The following SLX9 variants were observed in gnomAD, a reference collection of about 807,000 sequenced individuals.
The protein encoded by SLX9 is ribosome biogenesis protein SLX9 homolog.
SLX9 carries 19 observed loss-of-function variants against 20.8 expected under a neutral mutation model. The observed-to-expected ratio is 0.91, with a 90% CI of 0.64 to 1.34. SLX9 has a LOEUF of 1.34. SLX9 is among the 40% of genes most tolerant of loss of function. The probability of loss-of-function intolerance (pLI) is 0.00; values close to 1 mark genes in which losing one functional copy is unlikely to be tolerated. For synonymous variants in SLX9, 113 were observed against 137.1 expected, an observed-to-expected ratio of 0.82 and a Z score of 1.23; for missense variants, 299 against 322.2, an observed-to-expected ratio of 0.93 and a Z score of 0.55.
In SLX9 at chr21:44,976,884, T is replaced by C; in HGVS notation, c.*81T>C. 2 of 1,513,228 alleles carry C rather than the reference T, an allele frequency of 1.3e-6. No individual in the cohort carries two copies. Among genetic ancestry groups the C allele is most frequent in the Non-Finnish European group, 1.8e-6 (2 of 1,131,794 alleles). 93.7% of individuals were successfully genotyped at this position (1,513,228 alleles called of 1,614,324 possible). A position where few individuals can be genotyped will look rare whatever the true frequency, so the allele number is the denominator to read the frequency against. ...CGCCGGCCCCTCAAGGACCATGGCC[T>C]GAGCCTGGTGGACGCCCTTCCCTCT... is the stretch of plus-strand genomic sequence containing the variant. On this transcript the variant is annotated 3_prime_UTR_variant, in exon 6 of 6. Coordinates refer to ENST00000291634, the MANE Select transcript of SLX9 (RefSeq NM_058190.4).
intron 3 of SLX9, among the ~76,000 whole-genome samples, chr21:44,965,499 C>A (rs1314748325): frequency 6.6e-6 from 1 of 152,184 alleles, no homozygotes; most frequent in Admixed American, 6.5e-5. Flanking sequence ...TCTAGCAGCT[C>A]ATCTGTCAAG....
chr21:44,966,834 G>A (rs1036151962), intron 3 of SLX9, among the ~76,000 whole-genome samples, 200 bp from the exon 4 acceptor site: 2 of 152,234 alleles, frequency 1.3e-5, no homozygotes, highest in Non-Finnish European at 2.9e-5. Flanking sequence ...ATTAAAAAGC[G>A]CAGCTCTGTC....
chr21:44,968,010 A>T (rs1240923905), intron 4 of SLX9, among the ~76,000 whole-genome samples: 1 of 148,550 alleles, frequency 6.7e-6, no homozygotes, highest in African/African-American at 2.6e-5. Flanking sequence ...CCCTGCTGAG[A>T]GCTGGGGTGG....
intron 2 of SLX9, among the ~76,000 whole-genome samples, chr21:44,953,041 G>A (rs565353474): frequency 1.3e-5 from 2 of 152,270 alleles, no homozygotes; most frequent in Middle Eastern, 6.8e-3. Context: ...AGACTAGGAG[G>A]TCCCCAGGGC....
chr21:44,957,933 CAG>C (rs759216363), intron 2 of SLX9, among the ~76,000 whole-genome samples: 1 of 152,242 alleles, frequency 6.6e-6, no homozygotes, highest in Non-Finnish European at 1.5e-5. Context: ...GTGAAGCAGA[CAG>C]GGCACAGAGG....
chr21:44,947,381 C>T (rs2084662889), intron 2 of SLX9, among the ~76,000 whole-genome samples: 1 of 152,204 alleles, frequency 6.6e-6, no homozygotes, highest in Non-Finnish European at 1.5e-5. Context: ...CTGCATGCTG[C>T]GTCTCTGGCC....
chr21:44,975,547 C>G (rs574021324), intron 5 of SLX9, among the ~76,000 whole-genome samples: 3 of 152,392 alleles, frequency 2.0e-5, no homozygotes, highest in Non-Finnish European at 4.4e-5. Context: ...TTTCCTTCCC[C>G]AGCTCTGACC....
chr21:44,949,742 G>T (rs548868116), intron 2 of SLX9, among the ~76,000 whole-genome samples: 3 of 152,192 alleles, frequency 2.0e-5, no homozygotes, highest in African/African-American at 7.2e-5. Flanking sequence ...ACCAGGCTGT[G>T]GTGCAAGGAC....
chr21:44,955,245 A>G (rs2038010083), intron 2 of SLX9, among the ~76,000 whole-genome samples: 2 of 145,858 alleles, frequency 1.4e-5, no homozygotes, highest in Non-Finnish European at 1.5e-5. Context: ...CTTGGAAAAC[A>G]GAGAGAGACA....
intron 1 of SLX9, 26 bp downstream of exon 1, chr21:44,940,212 G>C (rs1041558110): frequency 3.3e-6 from 4 of 1,222,620 alleles, no homozygotes; most frequent in Non-Finnish European, 4.1e-6. Context: ...GCTGGCCGGG[G>C]GCTGCCGCGT....
intron 2 of SLX9, chr21:44,959,191 G>A (rs1052576265): frequency 2.0e-6 from 2 of 985,252 alleles, no homozygotes; most frequent in Non-Finnish European, 2.4e-6. Context: ...CTTTCTCCAG[G>A]CAGGGCTTGC....
chr21:44,959,952 A>T (rs2084924790), intron 2 of SLX9, 148 bp from the exon 3 acceptor site: 2 of 695,840 alleles, frequency 2.9e-6, no homozygotes, highest in East Asian at 5.4e-5. Flanking sequence ...GGTGCTGTCC[A>T]GAGCCGGGAG....
chr21:44,943,726 A>G lies in SLX9; in HGVS notation c.172A>G (p.Ile58Val). The change falls in exon 2 of 6, where the codon ATA (isoleucine) becomes GTA (valine). Residue 58 changes from isoleucine to valine, a missense_variant. Transcript: ENST00000291634. ...CACCAACATCTTTGCCAGGACCAAGATAGACCCCAGCGCCTTGGTGCAGAA... is the reference window on the plus strand; with the variant it reads ...CACCAACATCTTTGCCAGGACCAAGGTAGACCCCAGCGCCTTGGTGCAGAA... ...INTNIFARTK[I>V]DPSALVQKLE... The G allele has an allele frequency of 6.2e-7, 1 of 1,614,212 alleles. No individual in the cohort carries two copies. Among genetic ancestry groups the G allele is most frequent in the Non-Finnish European group, 8.5e-7 (1 of 1,180,022 alleles).
intron 5 of SLX9, among the ~76,000 whole-genome samples, chr21:44,973,706 C>T (rs1006806607): frequency 3.3e-5 from 5 of 151,746 alleles, no homozygotes; most frequent in East Asian, 3.9e-4. Flanking sequence ...GCCCCCACCC[C>T]GCCCTCTCCA....
At chr21:44,958,676 C>CG (rs1369994376) in intron 2 of SLX9, among the ~76,000 whole-genome samples, 3 of 152,228 alleles carry the variant, frequency 2.0e-5, no homozygotes, top group Non-Finnish European at 2.9e-5. Context: ...GCGCCTTGGG[C>CG]CCGGAAAGCG....
At chr21:44,949,808 G>C (rs2084720637) in intron 2 of SLX9, among the ~76,000 whole-genome samples, 1 of 152,186 alleles carries the variant, frequency 6.6e-6, no homozygotes, top group African/African-American at 2.4e-5. Context: ...GGTCAGCACA[G>C]AGCGCTGCCC....
intron 2 of SLX9, among the ~76,000 whole-genome samples, chr21:44,950,507 A>G (rs4818994): frequency 0.93 from 141,677 of 152,306 alleles, 65,991 homozygotes; most frequent in African/African-American, 0.98. Context: ...GCGCTCCTGC[A>G]GAGAGTGTGG....
At chr21:44,947,809 G>A (rs976140178) in intron 2 of SLX9, among the ~76,000 whole-genome samples, 5 of 152,208 alleles carry the variant, frequency 3.3e-5, no homozygotes, top group Non-Finnish European at 7.4e-5. Flanking sequence ...TCCCCTCCCC[G>A]CCCCAGCTCT....
rs1265941033 is a variant in SLX9 at position 44,959,120 on chromosome 21, G to T, written c.284-980G>T. On this transcript the variant is annotated intron_variant, in intron 2 of 5. Coordinates refer to ENST00000291634, the MANE Select transcript of SLX9 (RefSeq NM_058190.4). ...GGATTAAATCCTGCGGGAGCCCTGG[G>T]CCTTGGAGGTTTCACACCGGCTCCT... 3 of 732,984 alleles carry T rather than the reference G, an allele frequency of 4.1e-6. No individual in the cohort carries two copies. The African/African-American group carries it at 5.8e-5, about 14-fold the overall frequency. 45.4% of individuals were successfully genotyped at this position (732,984 alleles called of 1,614,324 possible).
Sources: allele counts gnomAD v4.1 joint callset (sites outside exome capture counted in the v4.1 genomes callset), GRCh38; gene constraint gnomAD v4.1.1; transcripts MANE v1.5; gene names NCBI Gene and HGNC (gene_info 2026-07-23, HGNC 2026-07-21).